NDUFAF2: variants seen among roughly 807,000 people sequenced by gnomAD.
The protein encoded by NDUFAF2 is NADH dehydrogenase [ubiquinone] 1 alpha subcomplex assembly factor 2.
In NDUFAF2, 13 loss-of-function variants were observed where a neutral mutation model predicts 22.8. The ratio of observed to expected loss-of-function variants is 0.57; its 90% confidence interval spans 0.37 to 0.91. NDUFAF2 has a LOEUF of 0.91. Ranked by LOEUF, NDUFAF2 falls within the 40% of genes least tolerant of loss-of-function variation. The pLI is 0.01. For missense variants in NDUFAF2, 162 were observed against 195.2 expected, an observed-to-expected ratio of 0.83 and a Z score of 1.01; for synonymous variants, 53 against 64.2, an observed-to-expected ratio of 0.83 and a Z score of 0.84.
At chr5:61,126,867 A>T (rs547729503) in intron 3 of NDUFAF2, among the ~76,000 whole-genome samples, 11 of 152,258 alleles carry the variant, frequency 7.2e-5, no homozygotes, top group Admixed American at 2.6e-4. Context: ...TTTTGAAAAG[A>T]TCAACAAAAT....
chr5:60,980,760 C>T (rs1019248357), intron 1 of NDUFAF2, among the ~76,000 whole-genome samples: 1 of 151,932 alleles, frequency 6.6e-6, no homozygotes, highest in Non-Finnish European at 1.5e-5. Context: ...TTTTGAAAAG[C>T]AGAAATTCTG....
chr5:60,994,220 G>A (rs1023814463), intron 1 of NDUFAF2, among the ~76,000 whole-genome samples: 38 of 152,238 alleles, frequency 2.5e-4, no homozygotes, highest in African/African-American at 8.7e-4. Flanking sequence ...ACTAGGAGCG[G>A]GAGCAGACAC....
chr5:61,107,739 A>G (rs1752785790), intron 3 of NDUFAF2, among the ~76,000 whole-genome samples: 1 of 150,316 alleles, frequency 6.7e-6, no homozygotes, highest in South Asian at 2.1e-4. Context: ...ATATGTATAC[A>G]CGTGCCATGC....
chr5:61,140,694 G>A (rs1328420197), intron 3 of NDUFAF2, among the ~76,000 whole-genome samples: 1 of 152,132 alleles, frequency 6.6e-6, no homozygotes, highest in Non-Finnish European at 1.5e-5. Flanking sequence ...ATCACTTTCA[G>A]GGTGAAACCT....
intron 1 of NDUFAF2, among the ~76,000 whole-genome samples, chr5:60,953,990 A>C (rs1472338012): frequency 6.6e-6 from 1 of 152,196 alleles, no homozygotes; most frequent in Non-Finnish European, 1.5e-5. Flanking sequence ...ACACATAGAC[A>C]CAGATGTAAA....
intron 1 of NDUFAF2, among the ~76,000 whole-genome samples, chr5:61,004,275 A>G (rs1265075675): frequency 2.6e-5 from 4 of 152,126 alleles, no homozygotes; most frequent in Admixed American, 1.3e-4. Flanking sequence ...CTTATAGCAA[A>G]CATGATTTCC....
At chr5:61,068,580 A>T (rs1445200222) in intron 1 of NDUFAF2, among the ~76,000 whole-genome samples, 1 of 152,124 alleles carries the variant, frequency 6.6e-6, no homozygotes, top group Non-Finnish European at 1.5e-5. Flanking sequence ...ACATGTTAAT[A>T]TGATATTTTG....
intron 1 of NDUFAF2, among the ~76,000 whole-genome samples, chr5:61,071,969 T>C (rs538341406): frequency 1.3e-5 from 2 of 152,368 alleles, no homozygotes; most frequent in South Asian, 2.1e-4. Flanking sequence ...ACTTAAAATA[T>C]GCACTAATCA....
At chr5:60,975,296 C>T (rs560591168) in intron 1 of NDUFAF2, among the ~76,000 whole-genome samples, 4 of 151,850 alleles carry the variant, frequency 2.6e-5, no homozygotes, top group East Asian at 1.9e-4. Context: ...CTCAAGTGAG[C>T]GAAAGAAAGG....
chr5:60,973,767 C>G (rs1388833219), intron 1 of NDUFAF2, among the ~76,000 whole-genome samples: 2 of 152,068 alleles, frequency 1.3e-5, no homozygotes, highest in Non-Finnish European at 2.9e-5. Flanking sequence ...TTTCAAGATC[C>G]TTTTTAATAC....
Position 60,955,892 on chromosome 5 carries a change from T to C in NDUFAF2, c.127+10510T>C, listed in dbSNP as rs1179668638. Among the ~76,000 whole-genome samples the C allele has an allele frequency of 4.6e-5, 7 of 151,462 alleles. No individual in the cohort carries two copies. In the East Asian group the frequency reaches 1.4e-3, roughly 30 times the overall value. On this transcript the variant is annotated intron_variant, in intron 1 of 3. Transcript: ENST00000296597. Reference sequence around the variant, plus strand: ...ATAATTTGTTGATAGTACCTAGACATGCAATAGATTTTTGTATGTTGACTT... The same window carrying C: ...ATAATTTGTTGATAGTACCTAGACACGCAATAGATTTTTGTATGTTGACTT...
At chr5:61,136,016 T>C (rs1477513311) in intron 3 of NDUFAF2, among the ~76,000 whole-genome samples, 1 of 26,728 alleles carries the variant, frequency 3.7e-5, no homozygotes, top group Non-Finnish European at 9.3e-5. Flanking sequence ...TATATATATA[T>C]ATATATATAT....
intron 1 of NDUFAF2, among the ~76,000 whole-genome samples, chr5:61,062,870 C>T (rs554701798): frequency 6.6e-6 from 1 of 152,074 alleles, no homozygotes; most frequent in Non-Finnish European, 1.5e-5. Context: ...CAGCAGAAAC[C>T]TTGCAGGCCA....
At chr5:61,123,965 G>T (rs957749599) in intron 3 of NDUFAF2, among the ~76,000 whole-genome samples, 4 of 152,050 alleles carry the variant, frequency 2.6e-5, no homozygotes, top group Non-Finnish European at 5.9e-5. Flanking sequence ...AGACTGGAAG[G>T]AAACATAAAT....
chr5:61,123,681 G>A (rs571407687), intron 3 of NDUFAF2, among the ~76,000 whole-genome samples: 12 of 152,166 alleles, frequency 7.9e-5, no homozygotes, highest in Non-Finnish European at 1.8e-4. Context: ...GTACATTATC[G>A]CTTATTGATA....
intron 1 of NDUFAF2, among the ~76,000 whole-genome samples, chr5:60,985,202 A>G (rs373727321): frequency 3.3e-5 from 5 of 152,072 alleles, no homozygotes; most frequent in African/African-American, 4.8e-5. Context: ...ATAGTATTCT[A>G]TGATGGTAGT....
chr5:61,046,641 A>G (rs1372173195), intron 1 of NDUFAF2, among the ~76,000 whole-genome samples: 1 of 152,160 alleles, frequency 6.6e-6, no homozygotes, highest in African/African-American at 2.4e-5. Flanking sequence ...AGGGAAAGTT[A>G]AGAATTTGCA....
At position 61,000,604 on chromosome 5, in the gene NDUFAF2, A is replaced by G. The variant is rs2112590523; in HGVS notation, c.127+55222A>G. Among the ~76,000 whole-genome samples, 2 of 152,242 alleles carry G rather than the reference A, an allele frequency of 1.3e-5. 1 individual carries two copies. The highest frequency in any genetic ancestry group is 4.1e-4 in the South Asian group (2 of 4,830). The stretch of plus-strand genomic sequence containing the variant: ...GTCAGACTTAACCTGAAGTGAAAAC[A>G]CACTGCATTCTTCAGGTTAACCCTT... On this transcript the variant is annotated intron_variant, in intron 1 of 3. Coordinates refer to ENST00000296597, the MANE Select transcript of NDUFAF2 (RefSeq NM_174889.5).
At chr5:61,024,034 T>C (rs931848089) in intron 1 of NDUFAF2, among the ~76,000 whole-genome samples, 44 of 152,326 alleles carry the variant, frequency 2.9e-4, no homozygotes, top group African/African-American at 1.0e-3. Flanking sequence ...GAATTTTTGT[T>C]TCTTATTTTT....
Sources: allele counts gnomAD v4.1 joint callset (sites outside exome capture counted in the v4.1 genomes callset), GRCh38; gene constraint gnomAD v4.1.1; transcripts MANE v1.5; gene names NCBI Gene and HGNC (gene_info 2026-07-23, HGNC 2026-07-21).